Variants in GREB1 observed in about 807,000 individuals in gnomAD.
The protein encoded by GREB1 is protein GREB1.
GREB1 carries 106 observed loss-of-function variants against 200.7 expected under a neutral mutation model. The ratio of observed to expected loss-of-function variants is 0.53; its 90% CI spans 0.45 to 0.62. GREB1 has a LOEUF of 0.62. Ranked by LOEUF, GREB1 falls within the 20% of genes least tolerant of loss-of-function variation. GREB1 has a pLI of 0.00. For missense variants in GREB1, 2,243 were observed against 2,556.8 expected (o/e 0.88, Z 2.65); for synonymous variants, 1,132 against 1,092.4 (o/e 1.04, Z -0.72).
chr2:11,612,681 CAG>C, intron 19 of GREB1, 71 bp downstream of exon 19: 1 of 951,024 alleles, frequency 1.1e-6, no homozygotes, highest in Non-Finnish European at 1.7e-6. Flanking sequence ...AGGAGCATGT[CAG>C]GGGGGCTGCT....
intron 26 of GREB1, among the ~76,000 whole-genome samples, chr2:11,631,282 AC>A (rs1341215027): frequency 6.6e-6 from 1 of 152,210 alleles, no homozygotes; most frequent in Non-Finnish European, 1.5e-5. Flanking sequence ...AGATATAACA[AC>A]CCGAGTGGAT....
At chr2:11,588,132 G>A in intron 9 of GREB1, 1 of 418,552 alleles carries the variant, frequency 2.4e-6, no homozygotes, top group Non-Finnish European at 3.2e-6. Context: ...GGGAGGCTGA[G>A]GTGGGAGAAT....
At chr2:11,557,157 G>A (rs56237365) in intron 2 of GREB1, among the ~76,000 whole-genome samples, 5,737 of 152,244 alleles carry the variant, frequency 0.038, 225 homozygotes, top group African/African-American at 0.091. Context: ...TCTTTGCAAA[G>A]TAATAGTAGG....
At chr2:11,565,189 T>A (rs2147944808) in intron 3 of GREB1, among the ~76,000 whole-genome samples, 1 of 152,370 alleles carries the variant, frequency 6.6e-6, no homozygotes, top group Non-Finnish European at 1.5e-5. Flanking sequence ...TCAGCCTCTC[T>A]GAGCCTCAGT....
At chr2:11,526,556 CT>C (rs369267814) in intron 1 of GREB1, among the ~76,000 whole-genome samples, 5,276 of 138,062 alleles carry the variant, frequency 0.038, 205 homozygotes, top group African/African-American at 0.1. Context: ...ACTTTAAATC[CT>C]TTTTTTTTTT....
rs746072599 is a variant in GREB1, at chr2:11,612,541, T to C, written c.3053T>C (p.Leu1018Ser). The change falls in exon 19 of 33, where the codon TTG becomes TCG. Residue 1018 changes from leucine to serine, a missense_variant. Physicochemically the swap from Leu to Ser is moderately radical, Grantham distance 145. Around this residue, in one of 3 missense-constraint regions of GREB1, gnomAD observed 1,178 missense variants for 1,387.4 expected, o/e 0.85. Coordinates refer to ENST00000381486, the MANE Select transcript of GREB1 (RefSeq NM_014668.4). ...EDVEWRPQTY[L>S]ELEGLPCILI... ...GTGGAGTGGAGACCCCAGACTTACT[T>C]GGAGCTGGAGGGTCTGCCTTGCATC... 3.1e-6 allele frequency: 5 copies of C among 1,613,014 alleles called. No individual in the cohort carries two copies. In the Admixed American group the frequency reaches 6.7e-5, roughly 22 times the overall value.
intron 17 of GREB1, among the ~76,000 whole-genome samples, chr2:11,605,513 C>T (rs1220746769): frequency 1.3e-5 from 2 of 152,104 alleles, no homozygotes; most frequent in African/African-American, 2.4e-5. Flanking sequence ...CGTGAGCCAC[C>T]GTGCCCGGCT....
chr2:11,618,968 C>T (rs1349121837), intron 22 of GREB1, 49 bp downstream of exon 22: 2 of 1,424,062 alleles, frequency 1.4e-6, no homozygotes. Flanking sequence ...GGGGGGTCCT[C>T]ACACTCCCAT....
chr2:11,570,646 C>A (rs796466505), intron 4 of GREB1, among the ~76,000 whole-genome samples: 6 of 151,520 alleles, frequency 4.0e-5, no homozygotes, highest in African/African-American at 1.5e-4. Flanking sequence ...CCTAGTTTTA[C>A]CCTTATAATT....
At chr2:11,532,459 A>T (rs1674108795), upstream of GREB1, among the ~76,000 whole-genome samples, 1 of 152,230 alleles carries the variant, frequency 6.6e-6, no homozygotes, top group Admixed American at 6.5e-5. Flanking sequence ...CAAAGTAGTT[A>T]TCTTTCCTTA....
Position 11,493,494 on chromosome 2 carries a change from C to G in GREB1, c.-159+11113C>G, listed in dbSNP as rs1423759867. Among the ~76,000 whole-genome samples the G allele has an allele frequency of 6.6e-6, 1 of 152,164 alleles. No individual in the cohort carries two copies. The highest frequency in any genetic ancestry group is 2.1e-4 in the South Asian group (1 of 4,828). On this transcript the variant is annotated intron_variant, in intron 1 of 2. Coordinates refer to the GREB1 transcript ENST00000628795. The surrounding 1 kb of genome is among the most constrained non-coding windows in gnomAD (Gnocchi z 4.6). ...TGGTAATGACAGCAATGGGGAGCGA[C>G]TGTAAATACAGATGAAACTTCTCTT...
At position 11,617,703 on chromosome 2, in the gene GREB1, G is replaced by A. The variant is rs899659397; in HGVS notation, c.3413-585G>A. Among the ~76,000 whole-genome samples the A allele has an allele frequency of 3.9e-5, 6 of 152,174 alleles. 1 individual carries two copies. The highest frequency in any genetic ancestry group is 2.6e-4 in the Admixed American group (4 of 15,294). On this transcript the variant is annotated intron_variant, in intron 21 of 32. Transcript: ENST00000381486. ...CCTGGGTGCGGGGACGGGTGTGTGC[G>A]GTGGCCGCAGGCTCCTGTTGTTGGG...
chr2:11,627,044 C>T lies in GREB1; in HGVS notation c.4389C>T (p.Tyr1463=). The change falls in exon 25 of 33, where the codon TAC becomes TAT. Residue 1463 remains tyrosine (Y), a synonymous_variant. Coordinates refer to ENST00000381486, the MANE Select transcript of GREB1 (RefSeq NM_014668.4). ...TGAGACTGTCCAAGTACGCAGCGTACAACACTTACCACCACTGTGAGCAGT... is the reference window on the plus strand; with the variant it reads ...TGAGACTGTCCAAGTACGCAGCGTATAACACTTACCACCACTGTGAGCAGT... ...ARMRLSKYAA[Y]NTYHHCEQCH... is the part of the protein sequence containing the mutation. 1 of 1,613,980 alleles carries T rather than the reference C, an allele frequency of 6.2e-7. No homozygotes were observed. Among genetic ancestry groups the T allele is most frequent in the Non-Finnish European group, 8.5e-7 (1 of 1,179,902 alleles).
At chr2:11,567,394 G>A (rs941564315) in intron 4 of GREB1, among the ~76,000 whole-genome samples, 1 of 152,150 alleles carries the variant, frequency 6.6e-6, no homozygotes, top group Non-Finnish European at 1.5e-5. Context: ...CAAAGTCCTG[G>A]GATTACAAGC....
Position 11,583,509 on chromosome 2 carries a change from T to G in GREB1, c.902-1652T>G, listed in dbSNP as rs1558583209. On this transcript the variant is annotated intron_variant, in intron 7 of 32. Transcript: ENST00000381486. The stretch of plus-strand genomic sequence containing the variant: ...AGTCAAATGAAGTGATAATTTTTTT[T>G]TTGTTTACTCTTGAGAGACTCTAAA... Among the ~76,000 whole-genome samples the G allele has an allele frequency of 2.0e-5, 3 of 152,194 alleles. 1 individual carries two copies. The highest frequency in any genetic ancestry group is 2.0e-4 in the Admixed American group (3 of 15,274).
Position 11,612,574 on chromosome 2 carries a change from T to C in GREB1, c.3086T>C (p.Phe1029Ser), listed in dbSNP as rs747359520. The change falls in exon 19 of 33, where the codon TTC (phenylalanine) becomes TCC (serine). Residue 1029 changes from phenylalanine (F) to serine (S), a missense_variant. Physicochemically the swap from Phe to Ser is radical, Grantham distance 155. Around this residue, in one of 3 missense-constraint regions of GREB1, gnomAD observed 1,178 missense variants for 1,387.4 expected, o/e 0.85. Transcript: ENST00000381486. Reference protein sequence around the residue: ...ELEGLPCILIFSGMDPHGESL... With the variant: ...ELEGLPCILISSGMDPHGESL... ...GAGGGTCTGCCTTGCATCCTGATCT[T>C]CAGTGGGATGGACCCGCATGGGGAG... The C allele has an allele frequency of 6.2e-7, 1 of 1,612,494 alleles. No homozygotes were observed. The highest frequency in any genetic ancestry group is 8.5e-7 in the Non-Finnish European group (1 of 1,179,666).
intron 1 of GREB1, among the ~76,000 whole-genome samples, chr2:11,484,878 C>T (rs7565580): frequency 0.46 from 69,896 of 152,214 alleles, 17,236 homozygotes; most frequent in East Asian, 0.68. Context: ...CGGAGTCTCG[C>T]TCTTTCGCCC....
chr2:11,594,723 C>T (rs1029946788), intron 11 of GREB1, among the ~76,000 whole-genome samples: 3 of 148,706 alleles, frequency 2.0e-5, no homozygotes, highest in African/African-American at 5.0e-5. Context: ...GACAGAGTCT[C>T]GCTCTGTCGC....
At chr2:11,562,112 G>A (rs1162269920) in intron 2 of GREB1, among the ~76,000 whole-genome samples, 4 of 152,340 alleles carry the variant, frequency 2.6e-5, no homozygotes, top group African/African-American at 7.2e-5. Context: ...TCTAGTGTAC[G>A]CGCAGCTGTG....
Sources: allele counts gnomAD v4.1 joint callset (sites outside exome capture counted in the v4.1 genomes callset), GRCh38; gene constraint gnomAD v4.1.1; regional missense constraint gnomAD v4.1.1; non-coding constraint Gnocchi (gnomAD v3.1); transcripts MANE v1.5; gene names NCBI Gene and HGNC (gene_info 2026-07-23, HGNC 2026-07-21).